The following PDE4D variants were observed in gnomAD, a reference collection of about 807,000 sequenced individuals.
PDE4D encodes phosphodiesterase 4D.
Under a neutral mutation model 87.4 loss-of-function variants are expected in PDE4D, and 24 were observed. The observed-to-expected ratio is 0.27, with a 90% confidence interval of 0.20 to 0.39. The LOEUF (loss-of-function observed/expected upper bound fraction) is 0.39. Among genes scored for constraint, PDE4D ranks in the 10% least tolerant of loss-of-function variants. The pLI is 1.00. For missense variants in PDE4D, 714 were observed against 1,041.0 expected (o/e 0.69, Z 4.32); for synonymous variants, 384 against 383.2 (o/e 1.00, Z -0.02).
At chr5:59,897,682 A>G (rs550661750), upstream of PDE4D, among the ~76,000 whole-genome samples, 5 of 147,258 alleles carry the variant, frequency 3.4e-5, no homozygotes, top group East Asian at 9.9e-4. Context: ...AGTCAATGGG[A>G]GGAAGATTTA....
chr5:59,299,358 C>A (rs1474575334), intron 1 of PDE4D, among the ~76,000 whole-genome samples: 2 of 152,184 alleles, frequency 1.3e-5, no homozygotes, highest in Admixed American at 6.6e-5. Flanking sequence ...ACAATGGGGA[C>A]TGAGCTCCTG....
chr5:58,990,701 C>A, intron 9 of PDE4D, 103 bp downstream of exon 9: 2 of 639,580 alleles, frequency 3.1e-6, no homozygotes, highest in Non-Finnish European at 5.4e-6. Flanking sequence ...TAAAAATAAG[C>A]AAAAGGTGGG....
intron 6 of PDE4D, among the ~76,000 whole-genome samples, chr5:59,022,422 G>A (rs1481189849): frequency 6.6e-6 from 1 of 151,994 alleles, no homozygotes; most frequent in Non-Finnish European, 1.5e-5. Flanking sequence ...ATTCAGAAGT[G>A]AAACTTCCCT....
chr5:60,150,051 CTATATACTAG>C (rs1462923143), intron 2 of PDE4D, among the ~76,000 whole-genome samples: 5 of 145,118 alleles, frequency 3.4e-5, no homozygotes, highest in Non-Finnish European at 7.5e-5. Context: ...ATATATAATT[CTATATACTAG>C]TATATATGAC....
At chr5:59,283,609 A>G (rs1766271046) in intron 1 of PDE4D, among the ~76,000 whole-genome samples, 1 of 151,920 alleles carries the variant, frequency 6.6e-6, no homozygotes, top group Non-Finnish European at 1.5e-5. Flanking sequence ...AATCTCACAC[A>G]CCTTGCCCCA....
At chr5:59,650,617 C>T (rs2046477117) in intron 1 of PDE4D, among the ~76,000 whole-genome samples, 1 of 151,964 alleles carries the variant, frequency 6.6e-6, no homozygotes, top group African/African-American at 2.4e-5. Context: ...ACTTCCAAGT[C>T]TTATTAAAAA....
chr5:59,681,769 G>A (rs1217233049), intron 1 of PDE4D, among the ~76,000 whole-genome samples: 3 of 151,922 alleles, frequency 2.0e-5, no homozygotes, highest in African/African-American at 7.3e-5. Context: ...CGGGCGTGGT[G>A]GTGGGTGCCT....
At chr5:59,422,778 T>C (rs1794667957) in intron 1 of PDE4D, among the ~76,000 whole-genome samples, 1 of 152,178 alleles carries the variant, frequency 6.6e-6, no homozygotes, top group Admixed American at 6.6e-5. Context: ...AGAGGCTGCA[T>C]GGTTGGGTGA....
intron 1 of PDE4D, among the ~76,000 whole-genome samples, chr5:59,255,319 T>C (rs1760760364): frequency 6.6e-6 from 1 of 152,118 alleles, no homozygotes; most frequent in Admixed American, 6.6e-5. Context: ...AGACCTCATA[T>C]TATATAATTC....
At chr5:59,114,238 A>G (rs2153441031) in intron 5 of PDE4D, among the ~76,000 whole-genome samples, 1 of 152,280 alleles carries the variant, frequency 6.6e-6, no homozygotes, top group African/African-American at 2.4e-5. Flanking sequence ...CCCTTTAAAT[A>G]TATACAAGTA....
At chr5:59,768,684 T>G in intron 1 of PDE4D, 1 of 1,456,868 alleles carries the variant, frequency 6.9e-7, no homozygotes, top group African/African-American at 1.4e-5. Context: ...GCGAGCGCAC[T>G]CCTCCGCGGA....
At chr5:60,106,062 C>A (rs1462975007) in intron 2 of PDE4D, among the ~76,000 whole-genome samples, 2 of 151,992 alleles carry the variant, frequency 1.3e-5, no homozygotes. Flanking sequence ...CACAGACTGG[C>A]AAATTGGATA....
Position 59,108,284 on chromosome 5 carries a change from C to T in PDE4D, c.809-69313G>A, listed in dbSNP as rs1017817923. On this transcript the variant is annotated intron_variant, in intron 5 of 14. Transcript: ENST00000340635. Reference sequence around the variant, plus strand: ...TATTTTGAATTTTATTATTTTGTATCCTAATCCTAAATTTTGTTTAGGATA... The same window carrying T: ...TATTTTGAATTTTATTATTTTGTATTCTAATCCTAAATTTTGTTTAGGATA... 2.6e-5 allele frequency among the ~76,000 whole-genome samples: 4 copies of T among 152,084 alleles called. No individual in the cohort carries two copies. The South Asian group carries it at 6.2e-4, about 24-fold the overall frequency.
At chr5:59,424,259 T>G (rs1205334864) in intron 1 of PDE4D, among the ~76,000 whole-genome samples, 1 of 152,162 alleles carries the variant, frequency 6.6e-6, no homozygotes, top group Admixed American at 6.5e-5. Flanking sequence ...TGCTAATAAT[T>G]TTTACCCAGA....
At chr5:59,114,304 A>G (rs1243283682) in intron 5 of PDE4D, among the ~76,000 whole-genome samples, 1 of 152,166 alleles carries the variant, frequency 6.6e-6, no homozygotes, top group Admixed American at 6.6e-5. Flanking sequence ...CCTTACATGG[A>G]TAAATTTATA....
intron 1 of PDE4D, among the ~76,000 whole-genome samples, chr5:59,759,881 G>A (rs970076705): frequency 4.8e-4 from 73 of 152,222 alleles, no homozygotes; most frequent in Middle Eastern, 3.4e-3. Flanking sequence ...GCTCTTCTCC[G>A]GGTATTATTA....
intron 1 of PDE4D, among the ~76,000 whole-genome samples, chr5:59,419,994 A>C (rs1310349670): frequency 1.3e-5 from 2 of 152,216 alleles, no homozygotes; most frequent in African/African-American, 4.8e-5. Flanking sequence ...TAGTGAACAT[A>C]GATCCATTGC....
intron 1 of PDE4D, among the ~76,000 whole-genome samples, chr5:60,435,122 T>C (rs1744656464): frequency 6.7e-6 from 1 of 149,642 alleles, no homozygotes; most frequent in South Asian, 2.1e-4. Flanking sequence ...TTCCTTTATG[T>C]CTGCAATGTA....
chr5:59,269,874 T>C (rs1334998204), intron 1 of PDE4D, among the ~76,000 whole-genome samples: 1 of 152,102 alleles, frequency 6.6e-6, no homozygotes, highest in Non-Finnish European at 1.5e-5. Context: ...TAATAAAAAA[T>C]GTCCCATTGA....
Sources: gnomAD v4.1 joint callset for allele counts (sites outside exome capture counted in the v4.1 genomes callset) on GRCh38, gnomAD v4.1.1 for gene constraint, MANE v1.5 for transcripts, NCBI Gene and HGNC (gene_info 2026-07-23, HGNC 2026-07-21) for gene names.